Variants in TTLL8 observed in about 807,000 individuals in gnomAD.
TTLL8 encodes the protein tubulin tyrosine ligase like 8.
Under a neutral mutation model 77.8 loss-of-function variants are expected in TTLL8, and 65 were observed. The ratio of observed to expected loss-of-function variants is 0.84; its 90% CI spans 0.68 to 1.03. TTLL8 has a LOEUF of 1.03. Ranked by LOEUF, TTLL8 falls within the 50% of genes least tolerant of loss-of-function variation. The pLI is 0.00. For missense variants in TTLL8, 910 were observed against 1,004.5 expected (o/e 0.91, Z 1.27); for synonymous variants, 402 against 422.8 (o/e 0.95, Z 0.60).
At position 50,034,295 on chromosome 22, in the gene TTLL8, T is replaced by C. The variant is rs1338613990; in HGVS notation, c.1039+50A>G. 7.5e-7 allele frequency: 1 copy of C among 1,331,242 alleles called. No homozygotes were observed. The highest frequency in any genetic ancestry group is 1.0e-6 in the Non-Finnish European group (1 of 1,002,852). The allele number at this position is 1,331,242 out of a possible 1,614,324, so 82.5% of individuals were successfully genotyped here. On this transcript the variant is annotated intron_variant, in intron 9 of 13. Transcript: ENST00000266182. The surrounding 1 kb of genome is among the most constrained non-coding windows in gnomAD (Gnocchi z 4.1). ...TGTCCCTCACTCACGGCTCCTGGCA[T>C]CAAGTGTGGCCGTTGGTGGCTATGA... is the stretch of plus-strand genomic sequence containing the variant.
intron 5 of TTLL8, 179 bp downstream of exon 7, chr22:50,045,677 G>T: frequency 2.5e-6 from 2 of 814,758 alleles, no homozygotes; most frequent in Non-Finnish European, 3.0e-6. Context: ...CTCCTTGACT[G>T]CCCGCCCTCC....
upstream of TTLL8, among the ~76,000 whole-genome samples, chr22:50,057,942 G>C (rs575041007): frequency 5.3e-5 from 8 of 152,020 alleles, no homozygotes; most frequent in Admixed American, 2.0e-4. Context: ...CAGGTTTAGT[G>C]GGGGAGTTCT....
exon 3 of TTLL8, chr22:50,049,249 C>T (rs1367717276): frequency 7.3e-7 from 1 of 1,367,508 alleles, no homozygotes; most frequent in Non-Finnish European, 9.8e-7. Flanking sequence ...GGGGACGTAC[C>T]ATCACGTCGT....
At chr22:50,027,874 G>A in intron 12 of TTLL8, 1 of 912,666 alleles carries the variant, frequency 1.1e-6, no homozygotes. Flanking sequence ...TCGAGGGCCT[G>A]ACCGCGAAAC....
chr22:50,050,299 G>T, intron 1 of TTLL8, 52 bp from the exon 4 acceptor site: 1 of 1,276,344 alleles, frequency 7.8e-7, no homozygotes. Context: ...TTGGGGAATA[G>T]GCAGATTTTG....
chr22:50,022,311 C>G lies in TTLL8; in HGVS notation c.2204-5749G>C, dbSNP rs551734264. On this transcript the variant is annotated intron_variant, in intron 12 of 13. Coordinates refer to ENST00000266182, the Ensembl canonical transcript of TTLL8. ...TGTGCACTCCTCCATCTGATGCACA[C>G]TCCTCCGACGACGTGCACTCCTCCA... 6.7e-3 allele frequency among the ~76,000 whole-genome samples: 914 copies of G among 136,762 alleles called. 12 individuals carry two copies. The highest frequency in any genetic ancestry group is 0.023 in the African/African-American group (825 of 35,784). 89.7% of individuals were successfully genotyped at this position (136,762 alleles called of 152,430 possible). A position where few individuals can be genotyped will look rare whatever the true frequency, so the allele number is the denominator to read the frequency against.
At chr22:50,030,430 C>G in exon 12 of TTLL8, 2 of 1,329,624 alleles carry the variant, frequency 1.5e-6, no homozygotes, top group Non-Finnish European at 9.9e-7. Context: ...CGCAGGTTAC[C>G]TTTTCCTCCG....
rs897637870 is a variant in TTLL8, at chr22:50,031,812, G to A, written c.1581C>T (p.Ser527=). Residue 527 remains serine, a synonymous_variant, in exon 11 of 14, where the codon TCC becomes TCT. Coordinates refer to ENST00000266182, the Ensembl canonical transcript of TTLL8. ...GCGTGGACGGGTGCATGGTGGGGCT[G>A]GAATTGATCTCGATCAGCCAGGGCC... 13 of 1,366,960 alleles carry A rather than the reference G, an allele frequency of 9.5e-6. No homozygotes were observed. The African/African-American group carries it at 1.8e-4, about 19-fold the overall frequency. The allele number at this position is 1,366,960 out of a possible 1,614,324, so 84.7% of individuals were successfully genotyped here.
rs201849711 is a variant in TTLL8, at chr22:50,050,099, G to A, written c.190+10C>T. 388 of 1,366,106 alleles carry A rather than the reference G, an allele frequency of 2.8e-4. 2 individuals are homozygous for A. The African/African-American group carries it at 5.1e-3, about 18-fold the overall frequency. The allele number at this position is 1,366,106 out of a possible 1,614,324, so 84.6% of individuals were successfully genotyped here. ...GCCCTGAGCTGAGACGTGCGCCTCC[G>A]ATACGCTACCATTGACCCGGGCGCC... On this transcript the variant is annotated intron_variant, in intron 2 of 13. Coordinates refer to ENST00000266182, the Ensembl canonical transcript of TTLL8.
chr22:50,057,572 GGTCA>G (rs2061487232), upstream of TTLL8, among the ~76,000 whole-genome samples: 1 of 85,530 alleles, frequency 1.2e-5, no homozygotes, highest in Non-Finnish European at 2.3e-5. Flanking sequence ...TCTGGGTTGG[GGTCA>G]GGTCTGGGTT....
intron 12 of TTLL8, among the ~76,000 whole-genome samples, chr22:50,023,003 T>G (rs980671130): frequency 6.6e-6 from 1 of 151,248 alleles, no homozygotes; most frequent in African/African-American, 2.5e-5. Context: ...AATCAGGGCA[T>G]GTCCCACATT....
chr22:50,026,054 T>A (rs1257114743), intron 12 of TTLL8, among the ~76,000 whole-genome samples: 1 of 152,210 alleles, frequency 6.6e-6, no homozygotes, highest in Non-Finnish European at 1.5e-5. Context: ...CAAAGGCACA[T>A]GTCCCCGTAA....
chr22:50,028,129 G>A (rs140966862), intron 12 of TTLL8, among the ~76,000 whole-genome samples: 20 of 152,328 alleles, frequency 1.3e-4, no homozygotes, highest in African/African-American at 4.3e-4. Context: ...CAGGCAATCC[G>A]CCCAGTGAAC....
rs184737868 is a variant in TTLL8 at position 50,033,342 on chromosome 22, C to T, written c.1143G>A (p.Thr381=). ...ACTTGGTGTCACAGATGAGCAGCGG[C>T]GTCTCGATGTACTTCTGGACCACCC... The change falls in exon 10 of 14, where the codon ACG becomes ACA. Residue 381 remains threonine (T), a synonymous_variant. Transcript: ENST00000266182. 2.1e-5 allele frequency: 29 copies of T among 1,365,242 alleles called. No individual in the cohort carries two copies. In the East Asian group the frequency reaches 9.6e-4, roughly 45 times the overall value. The allele number at this position is 1,365,242 out of a possible 1,614,324, so 84.6% of individuals were successfully genotyped here.
intron 12 of TTLL8, among the ~76,000 whole-genome samples, chr22:50,028,757 C>CA (rs1850290304): frequency 2.5e-5 from 1 of 39,602 alleles, no homozygotes; most frequent in Non-Finnish European, 5.9e-5. Context: ...CTAAAGACCC[C>CA]CACATACCCT....
rs553854533 is a variant in TTLL8, at chr22:50,030,044, G to A, written c.2203+386C>T. On this transcript the variant is annotated intron_variant, in intron 12 of 13. Transcript: ENST00000266182. ...AGAAAACCGCACGCCAAAGCCCCGC[G>A]GTCACTTTGGCCCCTCGCTCGGCCA... 56 of 552,038 alleles carry A rather than the reference G, an allele frequency of 1.0e-4. No individual in the cohort carries two copies. The Admixed American group carries it at 2.9e-3, about 28-fold the overall frequency. The allele number at this position is 552,038 out of a possible 1,614,324, so 34.2% of individuals were successfully genotyped here.
intron 8 of TTLL8, among the ~76,000 whole-genome samples, chr22:50,040,205 ATG>A (rs2061361729): frequency 7.1e-6 from 1 of 140,622 alleles, no homozygotes; most frequent in Non-Finnish European, 1.5e-5. Flanking sequence ...CGGACCTCAC[ATG>A]TGTCAGCATG....
At chr22:50,046,426 C>G (rs894806818) in intron 4 of TTLL8, among the ~76,000 whole-genome samples, 2 of 152,240 alleles carry the variant, frequency 1.3e-5, no homozygotes, top group Non-Finnish European at 2.9e-5. Flanking sequence ...AGAGGCATAT[C>G]GTGAAGTCCC....
intron 6 of TTLL8, among the ~76,000 whole-genome samples, chr22:50,042,488 A>T (rs532110965): frequency 2.0e-5 from 3 of 152,274 alleles, no homozygotes; most frequent in Non-Finnish European, 4.4e-5. Flanking sequence ...AAAACAATTT[A>T]AAAATGAACA....
Sources: gnomAD v4.1 joint callset for allele counts (sites outside exome capture counted in the v4.1 genomes callset) on GRCh38, gnomAD v4.1.1 for gene constraint, Gnocchi (gnomAD v3.1) non-coding constraint, MANE v1.5 for transcripts, NCBI Gene and HGNC (gene_info 2026-07-23, HGNC 2026-07-21) for gene names.